The following HOGA1 variants were observed in gnomAD, a reference collection of about 807,000 sequenced individuals.
The protein encoded by HOGA1 is 4-hydroxy-2-oxoglutarate aldolase, mitochondrial.
In HOGA1, 30 loss-of-function variants were observed where a neutral mutation model predicts 34.3. The observed-to-expected ratio is 0.87, with a 90% CI of 0.65 to 1.19. The LOEUF (loss-of-function observed/expected upper bound fraction) is 1.19, where lower values mean the gene tolerates loss of function less well. HOGA1 is among the 50% of genes most tolerant of loss of function. The pLI is 0.00. For missense variants in HOGA1, 417 were observed against 436.5 expected (o/e 0.96, Z 0.40); for synonymous variants, 161 against 174.0 (o/e 0.93, Z 0.59).
chr10:97,598,738 A>G, intron 1 of HOGA1, 37 bp from the exon 2 acceptor site: 1 of 1,613,928 alleles, frequency 6.2e-7, no homozygotes, highest in South Asian at 1.1e-5. Flanking sequence ...TGTTCGGTAG[A>G]GGATGGGAAG....
intron 1 of HOGA1, chr10:97,590,826 A>ACCCTGAGGC (rs2041016131): frequency 1.8e-6 from 1 of 561,348 alleles, no homozygotes; most frequent in South Asian, 2.4e-5. Flanking sequence ...GGTGAGATAG[A>ACCCTGAGGC]CCCTGAGGCC....
chr10:97,590,815 A>G, intron 1 of HOGA1: 1 of 587,112 alleles, frequency 1.7e-6, no homozygotes, highest in Non-Finnish European at 3.1e-6. Context: ...GACACAGCGC[A>G]GGTGAGATAG....
chr10:97,606,832 C>T (rs2041161481), intron 6 of HOGA1, among the ~76,000 whole-genome samples: 1 of 152,198 alleles, frequency 6.6e-6, no homozygotes, highest in Non-Finnish European at 1.5e-5. Flanking sequence ...GCATACCAAT[C>T]TGGGGACAAC....
In HOGA1 at chr10:97,598,876, C is replaced by A. The variant is rs768858004; in HGVS notation, c.313C>A (p.Leu105Ile). The A allele has an allele frequency of 5.0e-6, 8 of 1,614,008 alleles. No individual in the cohort carries two copies. Among genetic ancestry groups the A allele is most frequent in the Non-Finnish European group, 5.9e-6 (7 of 1,180,044 alleles). Residue 105 changes from leucine (L) to isoleucine (I), a missense_variant, in exon 2 of 7, where the codon CTC (leucine) becomes ATC (isoleucine). Leu to Ile is a conservative substitution (Grantham distance 5). Coordinates refer to ENST00000370646, the MANE Select transcript of HOGA1 (RefSeq NM_138413.4). ...GCGCCAGGCCATGCCCAAGAACAGGCTCCTGCTAGCTGGCTCCGGATGCGA... is the reference window on the plus strand; with the variant it reads ...GCGCCAGGCCATGCCCAAGAACAGGATCCTGCTAGCTGGCTCCGGATGCGA... ...RVRQAMPKNRLLLAGSGCEST... is the reference protein window; with the variant it reads ...RVRQAMPKNRILLAGSGCEST...
chr10:97,589,462 G>A (rs1391001684), intron 1 of HOGA1, among the ~76,000 whole-genome samples: 4 of 151,744 alleles, frequency 2.6e-5, no homozygotes, highest in Non-Finnish European at 5.9e-5. Flanking sequence ...GGCCTAAGTT[G>A]TAGAATGGAT....
chr10:97,585,242 G>A lies in HOGA1; in HGVS notation c.211+328G>A, dbSNP rs1029326520. 5.3e-5 allele frequency among the ~76,000 whole-genome samples: 8 copies of A among 152,170 alleles called. No individual in the cohort carries two copies. The East Asian group carries it at 1.5e-3, about 29-fold the overall frequency. On this transcript the variant is annotated intron_variant, in intron 1 of 6. Coordinates refer to ENST00000370646, the MANE Select transcript of HOGA1 (RefSeq NM_138413.4). ...AAGTCCTTGTCAACCTTGTCACTTGGTGCAGATGTGAAGGCATGTGGCTGG... is the reference window on the plus strand; with the variant it reads ...AAGTCCTTGTCAACCTTGTCACTTGATGCAGATGTGAAGGCATGTGGCTGG...
intron 1 of HOGA1, chr10:97,589,838 C>A: frequency 7.3e-7 from 1 of 1,366,730 alleles, no homozygotes; most frequent in Non-Finnish European, 1.0e-6. Context: ...GGAGCTCATC[C>A]AGCAGCCATC....
chr10:97,592,343 C>T (rs969780405), intron 1 of HOGA1, among the ~76,000 whole-genome samples: 2 of 150,038 alleles, frequency 1.3e-5, no homozygotes, highest in African/African-American at 2.5e-5. Flanking sequence ...CGGGTTCATG[C>T]CATTCTCCTG....
chr10:97,592,105 G>T (rs2041030216), intron 1 of HOGA1, among the ~76,000 whole-genome samples: 1 of 151,852 alleles, frequency 6.6e-6, no homozygotes, highest in Admixed American at 6.6e-5. Context: ...ACTCAAACTG[G>T]CAAAATTCAA....
intron 1 of HOGA1, among the ~76,000 whole-genome samples, chr10:97,589,302 G>A (rs1183631943): frequency 1.3e-5 from 2 of 152,002 alleles, no homozygotes; most frequent in African/African-American, 4.8e-5. Flanking sequence ...ATGGGCACTG[G>A]ATGGAGGTGC....
In HOGA1 at chr10:97,585,979, A is replaced by C. The variant is rs576453997; in HGVS notation, c.211+1065A>C. Among the ~76,000 whole-genome samples the C allele has an allele frequency of 2.0e-5, 3 of 152,286 alleles. No individual in the cohort carries two copies. In the East Asian group the frequency reaches 5.8e-4, roughly 29 times the overall value. ...TAGTGAAACCCCGTCTCTACTAAAA[A>C]TGCAAAAATTAGCTGGGCGTGGTGG... is the stretch of plus-strand genomic sequence containing the variant. On this transcript the variant is annotated intron_variant, in intron 1 of 6. Coordinates refer to ENST00000370646, the MANE Select transcript of HOGA1 (RefSeq NM_138413.4).
At chr10:97,601,516 T>C (rs1241100566) in intron 5 of HOGA1, among the ~76,000 whole-genome samples, 1 of 152,124 alleles carries the variant, frequency 6.6e-6, no homozygotes, top group African/African-American at 2.4e-5. Flanking sequence ...CAGGGGGCTA[T>C]TGGAGGAAGC....
chr10:97,592,939 A>C (rs919534278), intron 1 of HOGA1, among the ~76,000 whole-genome samples: 14 of 145,468 alleles, frequency 9.6e-5, no homozygotes, highest in African/African-American at 3.6e-4. Flanking sequence ...CTGAGTTGGG[A>C]GGATTGCTTG....
Position 97,589,952 on chromosome 10 carries a change from G to C in HOGA1, c.211+5038G>C, listed in dbSNP as rs767480560. The C allele has an allele frequency of 6.2e-6, 10 of 1,613,992 alleles. No individual in the cohort carries two copies. In the South Asian group the frequency reaches 1.1e-4, roughly 18 times the overall value. On this transcript the variant is annotated intron_variant, in intron 1 of 6. Coordinates refer to ENST00000370646, the MANE Select transcript of HOGA1 (RefSeq NM_138413.4). ...AAAGGAAACCTCTGAGTGTCCATCA[G>C]ACAAGGACAAGTCACCAGAATCCCA...
intron 1 of HOGA1, among the ~76,000 whole-genome samples, chr10:97,591,219 T>A (rs941654203): frequency 2.0e-5 from 3 of 152,012 alleles, no homozygotes; most frequent in African/African-American, 7.2e-5. Flanking sequence ...GGAGAGTAAC[T>A]AAGCCAGGTG....
Position 97,599,726 on chromosome 10 carries a change from CCAA to C in HOGA1, c.518_520del (p.Asn173del). 3 of 1,614,180 alleles carry C rather than the reference CCAA, an allele frequency of 1.9e-6. No homozygotes were observed. The highest frequency in any genetic ancestry group is 2.5e-6 in the Non-Finnish European group (3 of 1,180,026). ...CCTGTGGTGCTGTACAGTGTCCCAG[CCAA>C]CACAGGGCTGGACCTGCCTGTGGAT... is the stretch of plus-strand genomic sequence containing the variant. On this transcript the variant is annotated inframe_deletion, in exon 4 of 7. Coordinates refer to ENST00000370646, the MANE Select transcript of HOGA1 (RefSeq NM_138413.4).
At chr10:97,610,615 T>A (rs1008506882) in intron 6 of HOGA1, among the ~76,000 whole-genome samples, 1 of 152,158 alleles carries the variant, frequency 6.6e-6, no homozygotes, top group Non-Finnish European at 1.5e-5. Context: ...CGAAGCCCTG[T>A]CTCTACTAAA....
intron 1 of HOGA1, chr10:97,590,383 C>T (rs765813392): frequency 6.2e-7 from 1 of 1,614,118 alleles, no homozygotes; most frequent in Non-Finnish European, 8.5e-7. Flanking sequence ...AGTCCAAGGA[C>T]ATCAACCAGG....
At chr10:97,590,137 G>A (rs367679104) in intron 1 of HOGA1, 7 of 1,613,976 alleles carry the variant, frequency 4.3e-6, no homozygotes, top group African/African-American at 1.3e-5. Context: ...CCTTCACCAC[G>A]AGGCACGGAG....
Sources: allele counts gnomAD v4.1 joint callset (sites outside exome capture counted in the v4.1 genomes callset), GRCh38; gene constraint gnomAD v4.1.1; transcripts MANE v1.5; gene names NCBI Gene and HGNC (gene_info 2026-07-23, HGNC 2026-07-21).